The following STK3 variants were observed in gnomAD, a reference collection of about 807,000 sequenced individuals.
The protein encoded by STK3 is serine/threonine-protein kinase 3.
In STK3, 41 loss-of-function variants were observed where a neutral mutation model predicts 58.0. That is an observed-to-expected ratio of 0.71 (90% CI 0.55 to 0.92). The LOEUF is 0.92. Among genes scored for constraint, STK3 ranks in the 40% least tolerant of loss-of-function variants. The pLI is 0.00. For missense variants in STK3, 479 were observed against 602.7 expected (o/e 0.79, Z 2.15); for synonymous variants, 170 against 191.0 (o/e 0.89, Z 0.91).
At chr8:98,677,997 T>G (rs1823349625) in intron 6 of STK3, among the ~76,000 whole-genome samples, 1 of 152,184 alleles carries the variant, frequency 6.6e-6, no homozygotes, top group Admixed American at 6.5e-5. Context: ...CACATTTGTA[T>G]TTTTTGGCAG....
chr8:98,568,714 T>A (rs1812712172), intron 8 of STK3, among the ~76,000 whole-genome samples: 1 of 152,082 alleles, frequency 6.6e-6, no homozygotes, highest in Non-Finnish European at 1.5e-5. Flanking sequence ...ACATTAAATA[T>A]CTGATATGAA....
At chr8:98,518,630 G>A (rs2131441175) in intron 10 of STK3, among the ~76,000 whole-genome samples, 1 of 152,252 alleles carries the variant, frequency 6.6e-6, no homozygotes, top group Non-Finnish European at 1.5e-5. Context: ...TATCTTAAAT[G>A]CCTCAGCAGA....
At chr8:98,843,498 C>T (rs560605342) in intron 3 of STK3, among the ~76,000 whole-genome samples, 38 of 152,294 alleles carry the variant, frequency 2.5e-4, no homozygotes, top group African/African-American at 8.9e-4. Context: ...TCAATGGCTG[C>T]CGAATTTGCC....
chr8:98,629,876 A>G (rs142942742), intron 6 of STK3, among the ~76,000 whole-genome samples: 12 of 152,252 alleles, frequency 7.9e-5, no homozygotes, highest in East Asian at 7.7e-4. Flanking sequence ...ATCCATCCCC[A>G]GTATTCAGCT....
intron 4 of STK3, among the ~76,000 whole-genome samples, chr8:98,714,732 C>T (rs1305028149): frequency 6.6e-6 from 1 of 152,116 alleles, no homozygotes; most frequent in Non-Finnish European, 1.5e-5. Flanking sequence ...GATTCAATGC[C>T]ATCCCCATCA....
chr8:98,687,207 C>A (rs1824063725), intron 6 of STK3, among the ~76,000 whole-genome samples: 1 of 152,200 alleles, frequency 6.6e-6, no homozygotes, highest in South Asian at 2.1e-4. Context: ...TGTAAAGCAG[C>A]AGTCTCCAAA....
the STK3 span, among the ~76,000 whole-genome samples, chr8:98,349,528 A>G: frequency 1.3e-5 from 2 of 152,092 alleles, no homozygotes; most frequent in Non-Finnish European, 2.9e-5. Flanking sequence ...ACTAGGCAGC[A>G]CCCCAGTGGG....
rs748062861 is a variant in STK3 at position 98,428,445 on chromosome 8, A to T, written n.483+5682T>A. The T allele has an allele frequency of 1.2e-6, 2 of 1,614,070 alleles. No individual in the cohort carries two copies. The highest frequency in any genetic ancestry group is 4.5e-5 in the East Asian group (2 of 44,854). ...CTTCGATGAGATCCTTGCCTTCTAC[A>T]ACGACGCCTCCAAGTTCGATGGGCA... On this transcript the variant is annotated intron_variant and non_coding_transcript_variant, in intron 3 of 3. Coordinates refer to the STK3 transcript ENST00000517832. The surrounding 1 kb of genome is among the most constrained non-coding windows in gnomAD (Gnocchi z 6.7).
intron 4 of STK3, among the ~76,000 whole-genome samples, chr8:98,734,175 ACCAGGTC>A (rs1395286733): frequency 1.3e-5 from 2 of 152,098 alleles, no homozygotes; most frequent in East Asian, 3.9e-4. Flanking sequence ...ATCACCTCCC[ACCAGGTC>A]CCTCCCCGAA....
At chr8:98,404,419 G>A (rs1235583051) in intron 3 of STK3, among the ~76,000 whole-genome samples, 6 of 152,220 alleles carry the variant, frequency 3.9e-5, no homozygotes, top group East Asian at 1.9e-4. Context: ...GGTGGCTCAC[G>A]CCTGTAACCC....
intron 3 of STK3, among the ~76,000 whole-genome samples, chr8:98,839,689 G>C (rs932070467): frequency 3.3e-5 from 5 of 152,064 alleles, no homozygotes; most frequent in Non-Finnish European, 7.4e-5. Flanking sequence ...ATACTTTTAC[G>C]TGGTTAATTT....
downstream of STK3, chr8:98,881,820 T>C (rs1378670873): frequency 6.6e-6 from 1 of 152,222 alleles, no homozygotes; most frequent in African/African-American, 2.4e-5. Flanking sequence ...TAGCATTTTA[T>C]TTCTTATTAA....
intron 8 of STK3, among the ~76,000 whole-genome samples, chr8:98,571,826 ATTC>A (rs1167946274): frequency 6.6e-6 from 1 of 152,202 alleles, no homozygotes; most frequent in African/African-American, 2.4e-5. Flanking sequence ...TTCACTTAAA[ATTC>A]TTCTACATCC....
chr8:98,917,552 C>G (rs73279722), intron 1 of STK3, among the ~76,000 whole-genome samples: 2,514 of 152,278 alleles, frequency 0.017, 62 homozygotes, highest in African/African-American at 0.058. Context: ...AAAGAAACCT[C>G]AGAGAGCTCA....
the STK3 span, among the ~76,000 whole-genome samples, chr8:98,358,547 G>T: frequency 6.6e-6 from 1 of 152,104 alleles, no homozygotes. Flanking sequence ...CAGGGATGGT[G>T]TTCCCTGCAT....
chr8:98,920,429 C>G (rs192766997), intron 1 of STK3, among the ~76,000 whole-genome samples: 1 of 152,336 alleles, frequency 6.6e-6, no homozygotes, highest in African/African-American at 2.4e-5. Context: ...ATCAACACAG[C>G]TCTCCTGTCA....
At chr8:98,497,420 C>G (rs1489206145) in intron 10 of STK3, among the ~76,000 whole-genome samples, 1 of 151,044 alleles carries the variant, frequency 6.6e-6, no homozygotes, top group Non-Finnish European at 1.5e-5. Context: ...ACCAAAAGCA[C>G]TAGTAAAAAA....
At chr8:98,589,378 C>T (rs1307318586) in intron 7 of STK3, among the ~76,000 whole-genome samples, 3 of 152,200 alleles carry the variant, frequency 2.0e-5, no homozygotes, top group Non-Finnish European at 4.4e-5. Context: ...CAGTGTGCCC[C>T]TGTTGGAGGG....
the STK3 span, among the ~76,000 whole-genome samples, chr8:98,352,740 C>G: frequency 6.6e-6 from 1 of 152,116 alleles, no homozygotes; most frequent in Admixed American, 6.5e-5. Flanking sequence ...CCTGGTCCCT[C>G]AGCTACTTCT....
Sources: gnomAD v4.1 joint callset for allele counts (sites outside exome capture counted in the v4.1 genomes callset) on GRCh38, gnomAD v4.1.1 for gene constraint, Gnocchi (gnomAD v3.1) non-coding constraint, MANE v1.5 for transcripts, NCBI Gene and HGNC (gene_info 2026-07-23, HGNC 2026-07-21) for gene names.